WDR64: variants seen among roughly 807,000 people sequenced by gnomAD.
WDR64 encodes the protein WD repeat domain 64.
WDR64 carries 112 observed loss-of-function variants against 139.3 expected under a neutral mutation model. The ratio of observed to expected loss-of-function variants is 0.80; its 90% CI spans 0.69 to 0.94. WDR64 has a LOEUF of 0.94. Ranked by LOEUF, WDR64 falls within the 40% of genes least tolerant of loss-of-function variation. The probability of loss-of-function intolerance (pLI) is 0.00; values close to 1 mark genes in which losing one functional copy is unlikely to be tolerated. For synonymous variants in WDR64, 444 were observed against 437.7 expected, an observed-to-expected ratio of 1.01 and a Z score of -0.18; for missense variants, 1,206 against 1,293.1, an observed-to-expected ratio of 0.93 and a Z score of 1.03.
chr1:241,726,709 GTAAT>G (rs1668856240), intron 10 of WDR64, among the ~76,000 whole-genome samples: 1 of 149,588 alleles, frequency 6.7e-6, no homozygotes, highest in Non-Finnish European at 1.5e-5. Context: ...TAATATGTAA[GTAAT>G]CAATTTTAAA....
intron 23 of WDR64, among the ~76,000 whole-genome samples, chr1:241,783,863 T>C (rs1273198541): frequency 2.0e-5 from 3 of 152,158 alleles, no homozygotes; most frequent in African/African-American, 4.8e-5. Flanking sequence ...ATACACAAAA[T>C]GCTAAAGACA....
chr1:241,776,043 A>T (rs1449074144), intron 21 of WDR64, among the ~76,000 whole-genome samples: 1 of 152,038 alleles, frequency 6.6e-6, no homozygotes, highest in East Asian at 1.9e-4. Context: ...TCTCTTTTAT[A>T]AACATTTTTC....
chr1:241,769,611 AAG>A, intron 17 of WDR64, 106 bp downstream of exon 17: 2 of 985,834 alleles, frequency 2.0e-6, no homozygotes, highest in South Asian at 1.6e-5. Flanking sequence ...AAGTAATAGA[AAG>A]AGTTTACTTC....
chr1:241,686,717 C>A (rs2148116059), intron 7 of WDR64, among the ~76,000 whole-genome samples: 1 of 152,278 alleles, frequency 6.6e-6, no homozygotes, highest in African/African-American at 2.4e-5. Flanking sequence ...TATCACTATC[C>A]CCCACTCAGC....
At chr1:241,774,429 A>T (rs1020240273) in intron 20 of WDR64, among the ~76,000 whole-genome samples, 1 of 152,208 alleles carries the variant, frequency 6.6e-6, no homozygotes, top group Admixed American at 6.5e-5. Context: ...AGGAGAAGAG[A>T]TTATGTCCAA....
chr1:241,725,760 A>C (rs1238011123), intron 10 of WDR64, among the ~76,000 whole-genome samples: 2 of 152,128 alleles, frequency 1.3e-5, no homozygotes, highest in African/African-American at 4.8e-5. Context: ...GGCTAGTCCG[A>C]ATTGAGGTCC....
chr1:241,752,353 AC>A (rs1477636091), intron 14 of WDR64, among the ~76,000 whole-genome samples: 1 of 152,204 alleles, frequency 6.6e-6, no homozygotes, highest in African/African-American at 2.4e-5. Context: ...GTTTTATATT[AC>A]TATAGCCTTT....
intron 9 of WDR64, among the ~76,000 whole-genome samples, chr1:241,721,211 T>C (rs1459372129): frequency 2.0e-5 from 3 of 152,178 alleles, no homozygotes; most frequent in Admixed American, 6.5e-5. Context: ...TGTAGTATAG[T>C]TTGAAGTGGG....
chr1:241,767,939 C>T (rs1445027203), intron 16 of WDR64, among the ~76,000 whole-genome samples: 1 of 152,110 alleles, frequency 6.6e-6, no homozygotes, highest in Admixed American at 6.5e-5. Context: ...CTACCTGCCA[C>T]TTGATACCTA....
intron 10 of WDR64, among the ~76,000 whole-genome samples, chr1:241,728,335 A>G (rs554191030): frequency 8.3e-6 from 1 of 120,368 alleles, no homozygotes; most frequent in South Asian, 2.7e-4. Flanking sequence ...TCAGTCTCAG[A>G]AAAGAAGAAG....
intron 12 of WDR64, 123 bp from the exon 13 acceptor site, chr1:241,744,270 C>T (rs1202389937): frequency 8.3e-7 from 1 of 1,201,838 alleles, no homozygotes; most frequent in East Asian, 2.4e-5. Context: ...GGGCAGAGCG[C>T]TAGGAAATGT....
intron 9 of WDR64, among the ~76,000 whole-genome samples, chr1:241,719,890 T>G (rs1668542831): frequency 1.3e-5 from 2 of 152,196 alleles, no homozygotes; most frequent in African/African-American, 4.8e-5. Flanking sequence ...TGGTTTGCTG[T>G]ACAGATCAAC....
intron 11 of WDR64, among the ~76,000 whole-genome samples, chr1:241,741,101 A>C (rs6429298): frequency 0.15 from 22,713 of 152,186 alleles, 1,889 homozygotes; most frequent in African/African-American, 0.19. Flanking sequence ...TCTAACAATA[A>C]ATTTCCACCA....
At chr1:241,737,070 T>C (rs1669357920) in intron 10 of WDR64, among the ~76,000 whole-genome samples, 1 of 152,224 alleles carries the variant, frequency 6.6e-6, no homozygotes, top group Non-Finnish European at 1.5e-5. Context: ...TCTACTTGTC[T>C]CTCATTCTAT....
rs773999902 is a variant in WDR64 at position 241,683,544 on chromosome 1, C to T, written c.682C>T (p.Pro228Ser). The T allele has an allele frequency of 6.4e-7, 1 of 1,551,660 alleles. No individual in the cohort carries two copies. Among genetic ancestry groups the T allele is most frequent in the Non-Finnish European group, 8.7e-7 (1 of 1,146,990 alleles). The stretch of plus-strand genomic sequence containing the variant: ...CTGCCTCCTGTGTGTGTGTGTGGTG[C>T]CTTTGCCTGACCATCTCTGCCGAGA... ...DHCLLCVCVV[P>S]LPDHLCRDDI... is the part of the protein sequence containing the mutation. The change falls in exon 7 of 28, where the codon CCT becomes TCT. Residue 228 changes from proline to serine, a missense_variant. Physicochemically the swap from Pro to Ser is moderately conservative, Grantham distance 74. Transcript: ENST00000437684.
At position 241,795,303 on chromosome 1, in the gene WDR64, T is replaced by C. The variant is rs772882012; in HGVS notation, c.3078+16T>C. ...TATATACAGTGTGAGTTGGAGTTTCTAGGAGTAGAGGGGTCACAGAACAGT... is the reference window on the plus strand; with the variant it reads ...TATATACAGTGTGAGTTGGAGTTTCCAGGAGTAGAGGGGTCACAGAACAGT... On this transcript the variant is annotated intron_variant, in intron 26 of 27. Coordinates refer to ENST00000437684, the MANE Select transcript of WDR64 (RefSeq NM_001367482.1). The C allele has an allele frequency of 1.1e-5, 18 of 1,609,014 alleles. No homozygotes were observed. The highest frequency in any genetic ancestry group is 3.3e-4 in the Middle Eastern group (2 of 6,050).
intron 13 of WDR64, among the ~76,000 whole-genome samples, chr1:241,747,887 G>C (rs952256716): frequency 2.0e-5 from 3 of 152,190 alleles, no homozygotes; most frequent in African/African-American, 7.2e-5. Context: ...TCAGGTGGGT[G>C]AGAATGTAGT....
At chr1:241,707,773 G>A (rs569263344) in intron 8 of WDR64, among the ~76,000 whole-genome samples, 25 of 152,288 alleles carry the variant, frequency 1.6e-4, no homozygotes, top group Non-Finnish European at 3.5e-4. Flanking sequence ...TATAGGGGAA[G>A]GACAATATCT....
chr1:241,773,592 C>G (rs1237530040), intron 20 of WDR64, among the ~76,000 whole-genome samples: 1 of 152,122 alleles, frequency 6.6e-6, no homozygotes, highest in Non-Finnish European at 1.5e-5. Context: ...CCTCGGCCTT[C>G]GAGTAGCTGA....
Sources: gnomAD v4.1 joint callset for allele counts (sites outside exome capture counted in the v4.1 genomes callset) on GRCh38, gnomAD v4.1.1 for gene constraint, MANE v1.5 for transcripts, NCBI Gene and HGNC (gene_info 2026-07-23, HGNC 2026-07-21) for gene names.